Variants in CACNA2D1 observed in about 807,000 individuals in gnomAD.
CACNA2D1 encodes the protein calcium voltage-gated channel auxiliary subunit alpha2delta 1.
A neutral mutation model predicts 171.5 loss-of-function variants in CACNA2D1; 53 were observed. The ratio of observed to expected loss-of-function variants is 0.31; its 90% CI spans 0.25 to 0.39. The LOEUF is 0.39. Among genes scored for constraint, CACNA2D1 ranks in the 10% least tolerant of loss-of-function variants. The pLI, the probability that CACNA2D1 is intolerant of heterozygous loss-of-function variation, is 1.00. For missense variants in CACNA2D1, 903 were observed against 1,299.8 expected (o/e 0.69, Z 4.69); for synonymous variants, 442 against 443.1 (o/e 1.00, Z 0.03).
chr7:82,002,505 A>T (rs1344599588), intron 18 of CACNA2D1, among the ~76,000 whole-genome samples: 1 of 152,222 alleles, frequency 6.6e-6, no homozygotes, highest in Non-Finnish European at 1.5e-5. Flanking sequence ...TGTTTTCTGA[A>T]GTGATACCAA....
chr7:82,039,024 G>C (rs1009569569), intron 10 of CACNA2D1, among the ~76,000 whole-genome samples: 5 of 152,162 alleles, frequency 3.3e-5, no homozygotes, highest in African/African-American at 1.2e-4. Flanking sequence ...TCCAGGATAA[G>C]AGGATGAGTG....
chr7:81,962,519 A>T, intron 34 of CACNA2D1, 24 bp from the exon 35 acceptor site: 1 of 1,481,610 alleles, frequency 6.7e-7, no homozygotes, highest in Non-Finnish European at 9.3e-7. Flanking sequence ...ATAAAAAAAA[A>T]ATAAACATCT....
chr7:82,217,390 C>CATAAATATATATATATATATAT (rs1199331212), intron 3 of CACNA2D1, among the ~76,000 whole-genome samples: 1 of 54,456 alleles, frequency 1.8e-5, no homozygotes, highest in Non-Finnish European at 3.0e-5. Context: ...CACACACACA[C>CATAAATATATATATATATATAT]ATACATATAT....
Position 81,999,689 on chromosome 7 carries a change from C to T in CACNA2D1, c.1591-2439G>A, listed in dbSNP as rs1263742232. 2.0e-5 allele frequency among the ~76,000 whole-genome samples: 3 copies of T among 151,864 alleles called. No homozygotes were observed. The East Asian group carries it at 5.8e-4, about 29-fold the overall frequency. ...TAAGAGTTACATGCAATATTTGAGG[C>T]TGCTGCAAAAACAAAAATTCACTAA... On this transcript the variant is annotated intron_variant, in intron 18 of 38. Transcript: ENST00000356860.
intron 12 of CACNA2D1, among the ~76,000 whole-genome samples, chr7:82,026,053 T>A (rs1801865673): frequency 6.6e-6 from 1 of 151,456 alleles, no homozygotes. Flanking sequence ...GTCAGTTTTT[T>A]TTTTTTTTTT....
At chr7:82,121,025 T>C (rs948157563) in intron 5 of CACNA2D1, among the ~76,000 whole-genome samples, 1 of 152,122 alleles carries the variant, frequency 6.6e-6, no homozygotes, top group African/African-American at 2.4e-5. Context: ...CAGGTCTGAC[T>C]CACACAGAGG....
At chr7:82,332,775 G>A (rs1261825332) in intron 3 of CACNA2D1, among the ~76,000 whole-genome samples, 2 of 152,182 alleles carry the variant, frequency 1.3e-5, no homozygotes, top group Non-Finnish European at 2.9e-5. Flanking sequence ...CAAGGCAGTA[G>A]GATCACTTGA....
chr7:82,277,103 C>T (rs997384649), intron 3 of CACNA2D1, among the ~76,000 whole-genome samples: 8 of 152,126 alleles, frequency 5.3e-5, no homozygotes, highest in Non-Finnish European at 1.2e-4. Context: ...TCGTTCAAAA[C>T]GCTAGCAGCT....
intron 36 of CACNA2D1, 59 bp from the exon 37 acceptor site, chr7:81,959,888 C>T (rs761763875): frequency 6.4e-6 from 10 of 1,565,688 alleles, no homozygotes; most frequent in Non-Finnish European, 8.7e-6. Flanking sequence ...AAATGGAAAT[C>T]TTTCAAAGAT....
intron 1 of CACNA2D1, among the ~76,000 whole-genome samples, chr7:82,422,329 AC>A (rs1407450510): frequency 2.6e-5 from 4 of 152,122 alleles, no homozygotes; most frequent in Non-Finnish European, 4.4e-5. Context: ...TTGATGAATA[AC>A]CTCCATGATG....
chr7:82,229,546 A>C (rs917265026), intron 3 of CACNA2D1, among the ~76,000 whole-genome samples: 1 of 152,044 alleles, frequency 6.6e-6, no homozygotes, highest in African/African-American at 2.4e-5. Context: ...CAGAAAATCT[A>C]ATATGCTCCT....
intron 1 of CACNA2D1, among the ~76,000 whole-genome samples, chr7:82,408,548 A>T (rs1003789618): frequency 6.6e-6 from 1 of 152,196 alleles, no homozygotes; most frequent in Non-Finnish European, 1.5e-5. Context: ...TGTAAACATA[A>T]TAATAAAGAT....
chr7:82,326,116 C>A (rs1816619178), intron 3 of CACNA2D1, among the ~76,000 whole-genome samples: 1 of 152,204 alleles, frequency 6.6e-6, no homozygotes, highest in African/African-American at 2.4e-5. Context: ...ACACTCTGAA[C>A]TGGGATAATT....
intron 3 of CACNA2D1, among the ~76,000 whole-genome samples, chr7:82,331,796 C>T (rs1817330332): frequency 6.6e-6 from 1 of 152,090 alleles, no homozygotes; most frequent in Non-Finnish European, 1.5e-5. Flanking sequence ...CTATGATGTC[C>T]AAATTACCTG....
At chr7:82,300,879 TGAATAC>T (rs1472013276) in intron 3 of CACNA2D1, among the ~76,000 whole-genome samples, 2 of 152,152 alleles carry the variant, frequency 1.3e-5, no homozygotes, top group African/African-American at 4.8e-5. Flanking sequence ...CAAAACAGTC[TGAATAC>T]TTTAATATAA....
Position 82,005,506 on chromosome 7 carries a change from G to GAAAA in CACNA2D1, c.1516-13_1516-10dup. ...TACCCATTGGGGCACAGCTGGAAAAGAAAAAAAAAAAAAAGCTTGGATATG... is the reference window on the plus strand; with the variant it reads ...TACCCATTGGGGCACAGCTGGAAAAGAAAAAAAAAAAAAAAAAAGCTTGGATATG... On this transcript the variant is annotated splice_polypyrimidine_tract_variant and intron_variant, in intron 17 of 38. Coordinates refer to ENST00000356860, the MANE Select transcript of CACNA2D1 (RefSeq NM_000722.4). The GAAAA allele has an allele frequency of 8.3e-7, 1 of 1,199,588 alleles. No individual in the cohort carries two copies. The allele number at this position is 1,199,588 out of a possible 1,614,324, so 74.3% of individuals were successfully genotyped here. A position where few individuals can be genotyped will look rare whatever the true frequency, so the allele number is the denominator to read the frequency against.
chr7:82,354,829 T>C (rs559861823), intron 1 of CACNA2D1, among the ~76,000 whole-genome samples: 88 of 152,062 alleles, frequency 5.8e-4, no homozygotes, highest in African/African-American at 2.0e-3. Context: ...TACCAGCAGG[T>C]GAAAAAGAAA....
chr7:82,107,827 G>A (rs923248454), intron 6 of CACNA2D1, among the ~76,000 whole-genome samples: 2 of 151,760 alleles, frequency 1.3e-5, no homozygotes, highest in Admixed American at 6.6e-5. Flanking sequence ...CAGATGATCC[G>A]CCCGCCTCTG....
chr7:82,307,417 A>G (rs1046079518), intron 3 of CACNA2D1, among the ~76,000 whole-genome samples: 9 of 151,770 alleles, frequency 5.9e-5, no homozygotes, highest in African/African-American at 1.7e-4. Flanking sequence ...TCTGCCTCCC[A>G]AAGTGGTGGG....
Sources: allele counts gnomAD v4.1 joint callset (sites outside exome capture counted in the v4.1 genomes callset), GRCh38; gene constraint gnomAD v4.1.1; transcripts MANE v1.5; gene names NCBI Gene and HGNC (gene_info 2026-07-23, HGNC 2026-07-21).